The following ZNF487 variants were observed in gnomAD, a reference collection of about 807,000 sequenced individuals.
The protein encoded by ZNF487 is KRAB domain only 1.
In ZNF487, 4 loss-of-function variants were observed where a neutral mutation model predicts 3.0. The observed-to-expected ratio is 1.35, with a 90% CI of 0.66 to 3.08. The LOEUF is 3.08. ZNF487 is among the 30% of genes most tolerant of loss of function. ZNF487 has a pLI of 0.01. For synonymous variants in ZNF487, 55 were observed against 34.6 expected (o/e 1.59, Z -2.06); for missense variants, 146 against 98.7 (o/e 1.48, Z -2.03).
At chr10:43,459,405 C>T (rs1253929419) in intron 1 of ZNF487, among the ~76,000 whole-genome samples, 2 of 151,908 alleles carry the variant, frequency 1.3e-5, no homozygotes, top group Non-Finnish European at 2.9e-5. Flanking sequence ...AGTTTTTGTA[C>T]TTTTAGTAGA....
chr10:43,465,020 G>GGGGCGGCTGGCCGGGCGGGGGGCT (rs1564421738), intron 1 of ZNF487, among the ~76,000 whole-genome samples: 21 of 137,182 alleles, frequency 1.5e-4, no homozygotes, highest in African/African-American at 5.5e-4. Flanking sequence ...CCTCCCTCCC[G>GGGGCGGCTGGCCGGGCGGGGGGCT]GACGGGGCGG....
intron 3 of ZNF487, among the ~76,000 whole-genome samples, chr10:43,481,077 A>C (rs576975748): frequency 1.3e-5 from 2 of 152,230 alleles, no homozygotes; most frequent in East Asian, 1.9e-4. Flanking sequence ...TCAAGGCTGC[A>C]GTGAGCTGTG....
intron 3 of ZNF487, 148 bp downstream of exon 3, chr10:43,476,350 G>T (rs1588742037): frequency 1.7e-6 from 1 of 587,990 alleles, no homozygotes; most frequent in Non-Finnish European, 3.0e-6. Flanking sequence ...GAGTTGGCCT[G>T]CTTGCCTCAG....
the ZNF487 span, among the ~76,000 whole-genome samples, chr10:43,496,485 G>C: frequency 6.6e-6 from 1 of 152,122 alleles, no homozygotes; most frequent in African/African-American, 2.4e-5. Context: ...GCAAGGAGAG[G>C]AGGCATGGAT....
At chr10:43,465,115 G>A (rs1367222219) in intron 1 of ZNF487, among the ~76,000 whole-genome samples, 17 of 129,644 alleles carry the variant, frequency 1.3e-4, no homozygotes, top group East Asian at 3.0e-4. Context: ...CCTCCCTCCC[G>A]GATGGGGCGG....
intron 1 of ZNF487, chr10:43,452,524 T>A (rs557129021): frequency 1.2e-5 from 1 of 81,556 alleles, no homozygotes; most frequent in African/African-American, 3.0e-5. Context: ...GCTAATTTTT[T>A]AATTTTTTTT....
chr10:43,445,428 G>T (rs1242340187), intron 1 of ZNF487, among the ~76,000 whole-genome samples: 1 of 152,126 alleles, frequency 6.6e-6, no homozygotes, highest in Non-Finnish European at 1.5e-5. Flanking sequence ...TTGGATGCAG[G>T]ATATTTTTGT....
Position 43,441,034 on chromosome 10 carries a change from A to ATTTTTTTTTTTTTT in ZNF487, c.-94+3793_-94+3806dup, listed in dbSNP as rs763451709. On this transcript the variant is annotated intron_variant, in intron 1 of 3. Coordinates refer to ENST00000437590, the MANE Select transcript of ZNF487 (RefSeq NM_001355444.3). ...GGTAAATGCTACCACACCTGGTTAA[A>ATTTTTTTTTTTTTT]TTTTTTTTTTTTTTTTTTTTTTTTT... Among the ~76,000 whole-genome samples, 66 of 44,548 alleles carry ATTTTTTTTTTTTTT rather than the reference A, an allele frequency of 1.5e-3. 21 individuals are homozygous for ATTTTTTTTTTTTTT. The highest frequency in any genetic ancestry group is 5.4e-3 in the East Asian group (6 of 1,110). The allele number at this position is 44,548 out of a possible 152,430, so 29.2% of individuals were successfully genotyped here. A position where few individuals can be genotyped will look rare whatever the true frequency, so the allele number is the denominator to read the frequency against.
chr10:43,459,565 A>G (rs1349472880), intron 1 of ZNF487, among the ~76,000 whole-genome samples: 1 of 151,814 alleles, frequency 6.6e-6, no homozygotes, highest in East Asian at 1.9e-4. Flanking sequence ...TCCAGTGGGT[A>G]TTGAACTTTT....
intron 1 of ZNF487, among the ~76,000 whole-genome samples, chr10:43,464,365 TTTTA>T (rs931481035): frequency 7.9e-5 from 12 of 151,544 alleles, no homozygotes; most frequent in African/African-American, 2.4e-4. Flanking sequence ...TGTATTTTTA[TTTTA>T]TTTATTATTA....
At chr10:43,520,622 A>C in the ZNF487 span, among the ~76,000 whole-genome samples, 1 of 152,236 alleles carries the variant, frequency 6.6e-6, no homozygotes, top group East Asian at 1.9e-4. Context: ...AGAAAGAAAT[A>C]TTTGTTATAG....
downstream of ZNF487, among the ~76,000 whole-genome samples, chr10:43,484,026 G>A (rs1284252818): frequency 5.3e-5 from 8 of 151,660 alleles, no homozygotes; most frequent in East Asian, 1.6e-3. Context: ...GTGCCACCAG[G>A]CCCAGCTAAT....
At chr10:43,509,522 G>T in the ZNF487 span, among the ~76,000 whole-genome samples, 1 of 146,522 alleles carries the variant, frequency 6.8e-6, no homozygotes, top group Admixed American at 7.0e-5. Context: ...CAAACACAAG[G>T]CCCCACAACA....
chr10:43,460,066 T>A (rs1840372204), intron 1 of ZNF487, among the ~76,000 whole-genome samples: 1 of 151,962 alleles, frequency 6.6e-6, no homozygotes, highest in Non-Finnish European at 1.5e-5. Context: ...CCTCCCAAAG[T>A]ACTGGGATTA....
At position 43,483,152 on chromosome 10, in the gene ZNF487, A is replaced by G. The variant is rs1369819648; in HGVS notation, c.*1230A>G. 2.2e-6 allele frequency: 1 copy of G among 451,044 alleles called. No individual in the cohort carries two copies. The highest frequency in any genetic ancestry group is 1.6e-5 in the South Asian group (1 of 63,608). 27.9% of individuals were successfully genotyped at this position (451,044 alleles called of 1,614,324 possible). Reference sequence around the variant, plus strand: ...AAACAACCCAGGTTGGGGTGAGAACACCCAATAAAGATGAGAAATCTTTTG... The same window carrying G: ...AAACAACCCAGGTTGGGGTGAGAACGCCCAATAAAGATGAGAAATCTTTTG... On this transcript the variant is annotated 3_prime_UTR_variant, in exon 4 of 4. Coordinates refer to ENST00000437590, the MANE Select transcript of ZNF487 (RefSeq NM_001355444.3).
intron 3 of ZNF487, among the ~76,000 whole-genome samples, chr10:43,479,777 A>G (rs1841242067): frequency 6.6e-6 from 1 of 152,084 alleles, no homozygotes; most frequent in African/African-American, 2.4e-5. Flanking sequence ...CCACCCGAGT[A>G]GCTGGGACTA....
intron 1 of ZNF487, among the ~76,000 whole-genome samples, chr10:43,462,675 C>G (rs1213985703): frequency 6.6e-6 from 1 of 151,702 alleles, no homozygotes. Flanking sequence ...AGGATGGTCA[C>G]GATCTCTTGA....
chr10:43,497,860 C>T, the ZNF487 span, among the ~76,000 whole-genome samples: 2 of 150,094 alleles, frequency 1.3e-5, no homozygotes, highest in Non-Finnish European at 1.5e-5. Context: ...CCAGCTATTC[C>T]GGAGGCTGAG....
chr10:43,483,196 T>A (rs1841430774), downstream of ZNF487: 3 of 409,216 alleles, frequency 7.3e-6, no homozygotes, highest in African/African-American at 2.1e-5. Context: ...TGATATTTCA[T>A]TGAACAGCAA....
Sources: gnomAD v4.1 joint callset for allele counts (sites outside exome capture counted in the v4.1 genomes callset) on GRCh38, gnomAD v4.1.1 for gene constraint, MANE v1.5 for transcripts, NCBI Gene and HGNC (gene_info 2026-07-23, HGNC 2026-07-21) for gene names.